RADIL: variants seen among roughly 807,000 people sequenced by gnomAD.
RADIL encodes ras-associating and dilute domain-containing protein.
RADIL carries 99 observed loss-of-function variants against 97.6 expected under a neutral mutation model. The observed-to-expected ratio is 1.01, with a 90% CI of 0.86 to 1.20. The LOEUF is 1.20. Among genes scored for constraint, RADIL ranks in the 50% most tolerant of loss-of-function variants. The pLI is 0.00. For synonymous variants in RADIL, 803 were observed against 691.8 expected (o/e 1.16, Z -2.52); for missense variants, 1,765 against 1,498.9 (o/e 1.18, Z -2.93).
At chr7:4,875,188 TCTCCAA>T in intron 2 of RADIL, among the ~76,000 whole-genome samples, 1 of 96,918 alleles carries the variant, frequency 1.0e-5, no homozygotes, top group East Asian at 2.7e-4. Flanking sequence ...CGAGACTCCA[TCTCCAA>T]CAACAACAAC....
chr7:4,805,751 T>A, intron 9 of RADIL, 35 bp from the exon 10 acceptor site: 1 of 1,592,134 alleles, frequency 6.3e-7, no homozygotes, highest in Non-Finnish European at 8.6e-7. Context: ...GTCACAGGTC[T>A]CTGGGTGCAG....
intron 5 of RADIL, among the ~76,000 whole-genome samples, chr7:4,827,094 G>A (rs923795749): frequency 6.6e-5 from 10 of 152,130 alleles, no homozygotes; most frequent in Non-Finnish European, 1.2e-4. Flanking sequence ...GGCCAGGAGC[G>A]TGGCTCATGC....
At position 4,842,493 on chromosome 7, in the gene RADIL, G is replaced by A. The variant is rs1387462716; in HGVS notation, c.536-5888C>T. Among the ~76,000 whole-genome samples, 1 of 152,172 alleles carries A rather than the reference G, an allele frequency of 6.6e-6. No individual in the cohort carries two copies. Among genetic ancestry groups the A allele is most frequent in the African/African-American group, 2.4e-5 (1 of 41,456 alleles). ...AGGCAGTGCCTAGTGACCCGCTGCT[G>A]GCAGAGAGGGCAGGGCTCTGCGTGC... On this transcript the variant is annotated intron_variant, in intron 2 of 14. Transcript: ENST00000399583. The surrounding 1 kb of genome is among the most constrained non-coding windows in gnomAD (Gnocchi z 4.5).
At chr7:4,870,908 G>C (rs1432925356) in intron 2 of RADIL, among the ~76,000 whole-genome samples, 1 of 152,178 alleles carries the variant, frequency 6.6e-6, no homozygotes, top group Non-Finnish European at 1.5e-5. Flanking sequence ...CAGCTCAGGG[G>C]ACAACAGGGC....
At chr7:4,874,855 C>T (rs1350137238) in intron 2 of RADIL, among the ~76,000 whole-genome samples, 1 of 151,964 alleles carries the variant, frequency 6.6e-6, no homozygotes, top group Non-Finnish European at 1.5e-5. Context: ...GTCCGGAGTT[C>T]GAGACCAGCC....
rs981382663 is a variant in RADIL, at chr7:4,842,630, C to A, written c.536-6025G>T. Reference sequence around the variant, plus strand: ...GGCTCTTCCTGAACGTTGCTCAATTCCTCTATAAACTCAGCCGGCAGCTTT... The same window carrying A: ...GGCTCTTCCTGAACGTTGCTCAATTACTCTATAAACTCAGCCGGCAGCTTT... On this transcript the variant is annotated intron_variant, in intron 2 of 14. Transcript: ENST00000399583. This position sits in a 1 kb window ranked among gnomAD's most constrained non-coding sequence, Gnocchi z 4.5. Among the ~76,000 whole-genome samples, 1 of 152,146 alleles carries A rather than the reference C, an allele frequency of 6.6e-6. No homozygotes were observed. Among genetic ancestry groups the A allele is most frequent in the South Asian group, 2.1e-4 (1 of 4,824 alleles).
rs1366864818 is a variant in RADIL at position 4,837,510 on chromosome 7, GTC to G, written c.536-907_536-906del. On this transcript the variant is annotated intron_variant, in intron 2 of 14. Coordinates refer to ENST00000399583, the MANE Select transcript of RADIL (RefSeq NM_018059.5). The surrounding 1 kb of genome is among the most constrained non-coding windows in gnomAD (Gnocchi z 5.6). Reference sequence around the variant, plus strand: ...GCATCGCTGCCTCCTTCCCAAGGCTGTCTCTGATACCCCCAAGCCAAAGCAGG... The same window carrying G: ...GCATCGCTGCCTCCTTCCCAAGGCTGTCTGATACCCCCAAGCCAAAGCAGG... 5.9e-5 allele frequency among the ~76,000 whole-genome samples: 9 copies of G among 152,178 alleles called. No homozygotes were observed. Among genetic ancestry groups the G allele is most frequent in the Non-Finnish European group, 1.0e-4 (7 of 68,034 alleles).
chr7:4,829,924 A>G (rs1290486857), intron 5 of RADIL, among the ~76,000 whole-genome samples: 1 of 152,100 alleles, frequency 6.6e-6, no homozygotes, highest in Non-Finnish European at 1.5e-5. Flanking sequence ...GTGAGAACAG[A>G]CTAATAAAGG....
Position 4,801,916 on chromosome 7 carries a change from G to A in RADIL, c.2579C>T (p.Ala860Val). The change falls in exon 12 of 15, where the codon GCC (alanine) becomes GTC (valine). Residue 860 changes from alanine to valine, a missense_variant. By Grantham distance (64) the Ala-to-Val change is moderately conservative (BLOSUM62 0). Coordinates refer to ENST00000399583, the MANE Select transcript of RADIL (RefSeq NM_018059.5). ...PLAPRDPGPA[A>V]REVAPERTLP... is the part of the protein sequence containing the mutation. The stretch of plus-strand genomic sequence containing the variant: ...AGTACGCTCCGGGGCCACTTCCCGG[G>A]CTGCTGGGCCAGGGTCCCTGGGAGC... 11 of 1,568,402 alleles carry A rather than the reference G, an allele frequency of 7.0e-6. No individual in the cohort carries two copies. The highest frequency in any genetic ancestry group is 9.5e-6 in the Non-Finnish European group (11 of 1,158,670).
rs541736841 is a variant in RADIL at position 4,805,288 on chromosome 7, G to A, written c.2290+278C>T. On this transcript the variant is annotated intron_variant, in intron 10 of 14. Coordinates refer to ENST00000399583, the MANE Select transcript of RADIL (RefSeq NM_018059.5). ...AGGGGAGGCCCCATCCTCCGGCTCC[G>A]TGAGGGAACGAGGGGGCCTTGGACC... 5.7e-5 allele frequency: 23 copies of A among 402,016 alleles called. No homozygotes were observed. The South Asian group carries it at 8.1e-4, about 14-fold the overall frequency. The allele number at this position is 402,016 out of a possible 1,614,324, so 24.9% of individuals were successfully genotyped here. A position where few individuals can be genotyped will look rare whatever the true frequency, so the allele number is the denominator to read the frequency against.
chr7:4,803,603 G>A lies in RADIL; in HGVS notation c.2442C>T (p.Ala814=), dbSNP rs1453055621. 3 of 1,548,826 alleles carry A rather than the reference G, an allele frequency of 1.9e-6. No homozygotes were observed. The highest frequency in any genetic ancestry group is 2.7e-5 in the African/African-American group (2 of 73,138). Residue 814 remains alanine (A), a synonymous_variant, in exon 11 of 15, where the codon GCC becomes GCT. Transcript: ENST00000399583. The stretch of plus-strand genomic sequence containing the variant: ...CAGGCCTGCCAGGGCTGCCGGGGCT[G>A]GCTCTGCTCCGCAGACCCCACAGAA... ...RHFLWGLRSR[A]SPGSPGRPGS...
Position 4,833,692 on chromosome 7 carries a change from C to T in RADIL, c.1416+915G>A, listed in dbSNP as rs573974029. Reference sequence around the variant, plus strand: ...CCTTCCCCTGTCTGCCGGGGATAAGCGGGGCCCAGACTAGCGAGGATCTGA... The same window carrying T: ...CCTTCCCCTGTCTGCCGGGGATAAGTGGGGCCCAGACTAGCGAGGATCTGA... On this transcript the variant is annotated intron_variant, in intron 4 of 14. Coordinates refer to ENST00000399583, the MANE Select transcript of RADIL (RefSeq NM_018059.5). Among the ~76,000 whole-genome samples, 21 of 152,306 alleles carry T rather than the reference C, an allele frequency of 1.4e-4. 1 individual carries two copies. The highest frequency in any genetic ancestry group is 4.6e-4 in the African/African-American group (19 of 41,562).
chr7:4,830,209 A>C (rs1583289259), intron 5 of RADIL, among the ~76,000 whole-genome samples: 1 of 152,324 alleles, frequency 6.6e-6, no homozygotes, highest in African/African-American at 2.4e-5. Flanking sequence ...TCTTGGATTC[A>C]GCTGCACTGA....
rs778925992 is a variant in RADIL, at chr7:4,835,118, C to A, written c.905G>T (p.Arg302Leu). 5.6e-6 allele frequency: 9 copies of A among 1,608,714 alleles called. No individual in the cohort carries two copies. Among genetic ancestry groups the A allele is most frequent in the Non-Finnish European group, 7.6e-6 (9 of 1,178,148 alleles). The part of the protein sequence containing the change: ...DILPLHCTIR[R>L]QPLPDSGQAA... ...CTGGCCGCTGTCCGGGAGCGGTTGC[C>A]GGCGGATGGTGCAGTGTAGAGGCAG... The change falls in exon 4 of 15, where the codon CGG (arginine) becomes CTG (leucine). Residue 302 changes from arginine to leucine, a missense_variant. Transcript: ENST00000399583. The surrounding 1 kb of genome is among the most constrained non-coding windows in gnomAD (Gnocchi z 5.8).
rs769821920 is a variant in RADIL, at chr7:4,867,289, G to C, written c.535+10316C>G. ...ATATGCTCTGTAATCCAGCAGCTCCGTTCCTGGAAGAATGCCTCCGAGAAC... is the reference window on the plus strand; with the variant it reads ...ATATGCTCTGTAATCCAGCAGCTCCCTTCCTGGAAGAATGCCTCCGAGAAC... On this transcript the variant is annotated intron_variant, in intron 2 of 14. Transcript: ENST00000399583. This position sits in a 1 kb window ranked among gnomAD's most constrained non-coding sequence, Gnocchi z 4.1. Among the ~76,000 whole-genome samples, 1 of 152,122 alleles carries C rather than the reference G, an allele frequency of 6.6e-6. No individual in the cohort carries two copies. The highest frequency in any genetic ancestry group is 1.5e-5 in the Non-Finnish European group (1 of 68,026).
At position 4,800,032 on chromosome 7, in the gene RADIL, G is replaced by A. The variant is rs557483911; in HGVS notation, c.2982+139C>T. On this transcript the variant is annotated intron_variant, in intron 13 of 14. Coordinates refer to ENST00000399583, the MANE Select transcript of RADIL (RefSeq NM_018059.5). ...TTGGACAGGCTGGGTTCCCCTCCCA[G>A]CTGCAGAGGCCAACCCCACTCTCCT... The A allele has an allele frequency of 1.1e-4, 148 of 1,313,364 alleles. 1 individual carries two copies. Among genetic ancestry groups the A allele is most frequent in the Non-Finnish European group, 1.2e-4 (118 of 987,884 alleles). 81.4% of individuals were successfully genotyped at this position (1,313,364 alleles called of 1,614,324 possible). A position where few individuals can be genotyped will look rare whatever the true frequency, so the allele number is the denominator to read the frequency against.
chr7:4,815,807 G>A lies in RADIL; in HGVS notation c.1967-357C>T, dbSNP rs563754446. Among the ~76,000 whole-genome samples the A allele has an allele frequency of 4.6e-5, 7 of 152,298 alleles. No individual in the cohort carries two copies. The highest frequency in any genetic ancestry group is 2.6e-4 in the Admixed American group (4 of 15,298). On this transcript the variant is annotated intron_variant, in intron 8 of 14. Transcript: ENST00000399583. The surrounding 1 kb of genome is among the most constrained non-coding windows in gnomAD (Gnocchi z 8.0). Reference sequence around the variant, plus strand: ...CAGTGGCCCTGGCTGGGAGTGGCCAGTGCTCCTGAGCCCTGCAGGTGATGG... The same window carrying A: ...CAGTGGCCCTGGCTGGGAGTGGCCAATGCTCCTGAGCCCTGCAGGTGATGG...
rs1246559970 is a variant in RADIL at position 4,813,736 on chromosome 7, TTG to T, written c.2139+1540_2139+1541del. On this transcript the variant is annotated intron_variant, in intron 9 of 14. Transcript: ENST00000399583. The surrounding 1 kb of genome is among the most constrained non-coding windows in gnomAD (Gnocchi z 5.0). ...CGCTCACGCCTTTCAACAGATGACT[TTG>T]TGTTTCTTTCCGGCTGTGCGGGCTG... 1.3e-5 allele frequency among the ~76,000 whole-genome samples: 2 copies of T among 152,218 alleles called. No homozygotes were observed. Among genetic ancestry groups the T allele is most frequent in the African/African-American group, 4.8e-5 (2 of 41,462 alleles).
Position 4,799,244 on chromosome 7 carries a change from C to T in RADIL, c.*134G>A. Reference sequence around the variant, plus strand: ...CACTGAGATGCATGTTATCAACAGGCATGTCCCCAGGGTGAGGCTCCCCAC... The same window carrying T: ...CACTGAGATGCATGTTATCAACAGGTATGTCCCCAGGGTGAGGCTCCCCAC... On this transcript the variant is annotated 3_prime_UTR_variant, in exon 15 of 15. Transcript: ENST00000399583. 1.4e-6 allele frequency: 1 copy of T among 694,832 alleles called. No individual in the cohort carries two copies. Among genetic ancestry groups the T allele is most frequent in the Non-Finnish European group, 2.5e-6 (1 of 401,576 alleles). 43.0% of individuals were successfully genotyped at this position (694,832 alleles called of 1,614,324 possible).
Sources: allele counts gnomAD v4.1 joint callset (sites outside exome capture counted in the v4.1 genomes callset), GRCh38; gene constraint gnomAD v4.1.1; non-coding constraint Gnocchi (gnomAD v3.1); transcripts MANE v1.5; gene names NCBI Gene and HGNC (gene_info 2026-07-23, HGNC 2026-07-21).